The following RNF6 variants were observed in gnomAD, a reference collection of about 807,000 sequenced individuals.
RNF6 encodes E3 ubiquitin-protein ligase RNF6.
Under a neutral mutation model 50.1 loss-of-function variants are expected in RNF6, and 21 were observed. The ratio of observed to expected loss-of-function variants is 0.42; its 90% CI spans 0.30 to 0.60. RNF6 has a LOEUF of 0.60. Ranked by LOEUF, RNF6 falls within the 20% of genes least tolerant of loss-of-function variation. The pLI is 0.20. For synonymous variants in RNF6, 255 were observed against 291.8 expected (o/e 0.87, Z 1.29); for missense variants, 698 against 838.2 (o/e 0.83, Z 2.07).
chr13:26,157,208 G>T (rs954408554), intron 5 of RNF6, among the ~76,000 whole-genome samples: 1 of 151,614 alleles, frequency 6.6e-6, no homozygotes, highest in African/African-American at 2.4e-5. Flanking sequence ...CTTTAAATTG[G>T]GCAAATTAAA....
chr13:26,219,535 C>G lies in RNF6; in HGVS notation c.115G>C (p.Ala39Pro). Residue 39 changes from alanine (A) to proline (P), a missense_variant, in exon 3 of 5, where the codon GCC becomes CCC. By Grantham distance (27) the Ala-to-Pro change is conservative. Coordinates refer to ENST00000381588, the MANE Select transcript of RNF6 (RefSeq NM_005977.4). ...AGTTCATTAATAAACTGATAATAGGCCTCTTCTCTGTGGAGACGCTCTTGC... is the reference window on the plus strand; with the variant it reads ...AGTTCATTAATAAACTGATAATAGGGCTCTTCTCTGTGGAGACGCTCTTGC... ...WQQERLHREE[A>P]YYQFINELND... 1 of 1,613,846 alleles carries G rather than the reference C, an allele frequency of 6.2e-7. No homozygotes were observed. Among genetic ancestry groups the G allele is most frequent in the Non-Finnish European group, 8.5e-7 (1 of 1,179,892 alleles).
chr13:26,155,055 A>C (rs913817732), intron 5 of RNF6, among the ~76,000 whole-genome samples: 7 of 151,306 alleles, frequency 4.6e-5, no homozygotes, highest in Admixed American at 2.0e-4. Flanking sequence ...CAAAAAAAAA[A>C]CTCCTAATCA....
chr13:26,177,522 T>G (rs374863820), intron 5 of RNF6, among the ~76,000 whole-genome samples: 12 of 152,184 alleles, frequency 7.9e-5, no homozygotes, highest in African/African-American at 1.9e-4. Context: ...GGAGAGCCTA[T>G]CTATAATTCA....
chr13:26,134,664 CT>C lies in RNF6; in HGVS notation n.769-2214del, dbSNP rs573778261. Among the ~76,000 whole-genome samples, 223 of 152,166 alleles carry C rather than the reference CT, an allele frequency of 1.5e-3. 1 individual carries two copies. The highest frequency in any genetic ancestry group is 4.6e-3 in the African/African-American group (192 of 41,530). The stretch of plus-strand genomic sequence containing the variant: ...CTTTCTTCTCCCAAACTTTCAGAGT[CT>C]TCGTAGGTTTTTTCTTTATATAATG... On this transcript the variant is annotated intron_variant and non_coding_transcript_variant, in intron 5 of 5. Transcript: ENST00000468480.
Position 26,214,966 on chromosome 13 carries a change from T to C in RNF6, c.916A>G (p.Thr306Ala), listed in dbSNP as rs1869702586. The change falls in exon 5 of 5, where the codon ACT becomes GCT. Residue 306 changes from threonine to alanine, a missense_variant. Physicochemically the swap from Thr to Ala is moderately conservative, Grantham distance 58 (BLOSUM62 0). Transcript: ENST00000381588. ...GGTGAACGGCTTCGACTATTGGAAG[T>C]AGATCGTAATCTTATTGGCTCTAAT... ...QRLEPIRLRSTSNSRSRSPIQ... is the reference protein window; with the variant it reads ...QRLEPIRLRSASNSRSRSPIQ... 4.3e-6 allele frequency: 7 copies of C among 1,614,114 alleles called. No homozygotes were observed. The highest frequency in any genetic ancestry group is 1.7e-5 in the Admixed American group (1 of 60,002).
At chr13:26,155,428 TGCAC>T (rs1487506844) in intron 5 of RNF6, among the ~76,000 whole-genome samples, 1 of 152,112 alleles carries the variant, frequency 6.6e-6, no homozygotes, top group East Asian at 1.9e-4. Flanking sequence ...AAATCAAAAC[TGCAC>T]GCATCCCAAA....
chr13:26,145,741 G>T (rs116732611), intron 5 of RNF6, among the ~76,000 whole-genome samples: 1,808 of 152,222 alleles, frequency 0.012, 31 homozygotes, highest in African/African-American at 0.042. Flanking sequence ...AAACTAATAC[G>T]ATGGGGCACT....
intron 5 of RNF6, among the ~76,000 whole-genome samples, chr13:26,194,843 C>T (rs895873412): frequency 7.2e-5 from 11 of 152,150 alleles, no homozygotes; most frequent in African/African-American, 2.4e-4. Context: ...TGTCTTTTCA[C>T]GTTTTTCTCC....
intron 5 of RNF6, among the ~76,000 whole-genome samples, chr13:26,157,268 T>C (rs1348859225): frequency 2.0e-5 from 3 of 152,118 alleles, no homozygotes; most frequent in Non-Finnish European, 2.9e-5. Flanking sequence ...AATTAATAAA[T>C]TTTAAAAATT....
chr13:26,195,044 A>G (rs1421624885), intron 5 of RNF6, among the ~76,000 whole-genome samples: 1 of 152,122 alleles, frequency 6.6e-6, no homozygotes, highest in East Asian at 1.9e-4. Flanking sequence ...AACCATCACA[A>G]TGGCCAAAAA....
chr13:26,164,969 C>T (rs980693015), intron 5 of RNF6, among the ~76,000 whole-genome samples: 6 of 152,084 alleles, frequency 3.9e-5, no homozygotes, highest in Non-Finnish European at 8.8e-5. Flanking sequence ...GACAATGAGC[C>T]GAATGTTAAT....
At chr13:26,176,361 C>T (rs1311409444) in intron 5 of RNF6, among the ~76,000 whole-genome samples, 1 of 152,160 alleles carries the variant, frequency 6.6e-6, no homozygotes, top group Non-Finnish European at 1.5e-5. Flanking sequence ...ACAATCATAG[C>T]TCACTGTATC....
intron 5 of RNF6, among the ~76,000 whole-genome samples, chr13:26,170,173 G>T (rs924612186): frequency 1.3e-5 from 2 of 151,072 alleles, no homozygotes; most frequent in African/African-American, 4.9e-5. Context: ...TAAGGCTTTA[G>T]ATAATGGTGG....
chr13:26,177,026 TA>T (rs1872988495), intron 5 of RNF6, among the ~76,000 whole-genome samples: 1 of 152,098 alleles, frequency 6.6e-6, no homozygotes, highest in Non-Finnish European at 1.5e-5. Flanking sequence ...CAACAGATAT[TA>T]GACTGATGGG....
chr13:26,190,860 A>G (rs1868425562), intron 5 of RNF6, among the ~76,000 whole-genome samples: 1 of 152,178 alleles, frequency 6.6e-6, no homozygotes, highest in African/African-American at 2.4e-5. Flanking sequence ...CAGTGGATTC[A>G]TGGGTTCATC....
At chr13:26,138,536 T>C (rs1386723118) in intron 5 of RNF6, among the ~76,000 whole-genome samples, 1 of 152,122 alleles carries the variant, frequency 6.6e-6, no homozygotes, top group Admixed American at 6.6e-5. Flanking sequence ...AAGCAATAAT[T>C]ATAAATCAGT....
rs546293156 is a variant in RNF6, at chr13:26,143,332, G to A, written n.769-10881C>T. Among the ~76,000 whole-genome samples, 28 of 152,262 alleles carry A rather than the reference G, an allele frequency of 1.8e-4. 2 individuals carry two copies. In the South Asian group the frequency reaches 5.8e-3, roughly 32 times the overall value. On this transcript the variant is annotated intron_variant and non_coding_transcript_variant, in intron 5 of 5. Coordinates refer to the RNF6 transcript ENST00000468480. Reference sequence around the variant, plus strand: ...TAGTCCAACTTCCCCTTAGTAGTCAGGATCAATCACCCCATCCAGCAAAGT... The same window carrying A: ...TAGTCCAACTTCCCCTTAGTAGTCAAGATCAATCACCCCATCCAGCAAAGT...
At chr13:26,199,463 T>G (rs1379808045) in intron 5 of RNF6, among the ~76,000 whole-genome samples, 6 of 152,126 alleles carry the variant, frequency 3.9e-5, no homozygotes, top group Non-Finnish European at 8.8e-5. Flanking sequence ...TTGTGATTTT[T>G]GGGATAGCCA....
At chr13:26,212,283 T>C (rs1282853176), downstream of RNF6, among the ~76,000 whole-genome samples, 2 of 152,190 alleles carry the variant, frequency 1.3e-5, no homozygotes, top group African/African-American at 4.8e-5. Context: ...TCAAATCTGA[T>C]TGAAATCAAC....
Sources: gnomAD v4.1 joint callset for allele counts (sites outside exome capture counted in the v4.1 genomes callset) on GRCh38, gnomAD v4.1.1 for gene constraint, MANE v1.5 for transcripts, NCBI Gene and HGNC (gene_info 2026-07-23, HGNC 2026-07-21) for gene names.